The following CCDC27 variants were observed in gnomAD, a reference collection of about 807,000 sequenced individuals.
The protein encoded by CCDC27 is coiled-coil domain containing 27, also known as coiled-coil domain-containing protein 27.
Under a neutral mutation model 80.3 loss-of-function variants are expected in CCDC27, and 80 were observed. The ratio of observed to expected loss-of-function variants is 1.00; its 90% CI spans 0.83 to 1.20. The LOEUF is 1.20. Ranked by LOEUF, CCDC27 falls within the 50% of genes most tolerant of loss-of-function variation. The pLI, the probability that CCDC27 is intolerant of heterozygous loss-of-function variation, is 0.00. For synonymous variants in CCDC27, 342 were observed against 334.3 expected (o/e 1.02, Z -0.25); for missense variants, 815 against 809.4 (o/e 1.01, Z -0.08).
At chr1:3,755,717 C>A in intron 3 of CCDC27, 150 bp downstream of exon 3, 1 of 663,854 alleles carries the variant, frequency 1.5e-6, no homozygotes, top group South Asian at 1.7e-5. Flanking sequence ...TCCGGGCCTC[C>A]CTTGTGCAGA....
chr1:3,770,956 G>A (rs1643346651), intron 11 of CCDC27, among the ~76,000 whole-genome samples: 1 of 152,200 alleles, frequency 6.6e-6, no homozygotes, highest in African/African-American at 2.4e-5. Flanking sequence ...ATGGAAGAGA[G>A]GTGGGGACAA....
chr1:3,762,975 T>C, intron 6 of CCDC27, 133 bp from the exon 7 acceptor site: 1 of 1,166,664 alleles, frequency 8.6e-7, no homozygotes, highest in Non-Finnish European at 1.2e-6. Context: ...AGGCAGATGC[T>C]CTCCCACTCC....
In CCDC27 at chr1:3,769,095, C is replaced by A. The variant is rs1482526034; in HGVS notation, c.1744-688C>A. On this transcript the variant is annotated intron_variant, in intron 10 of 11. Coordinates refer to ENST00000294600, the MANE Select transcript of CCDC27 (RefSeq NM_152492.3). The surrounding 1 kb of genome is among the most constrained non-coding windows in gnomAD (Gnocchi z 4.6). ...TTCTGGACGAGGAACTCGTGCTGAG[C>A]GTGCCGCATAACTCAAGGGGTTCCT... 6.6e-6 allele frequency among the ~76,000 whole-genome samples: 1 copy of A among 152,140 alleles called. No homozygotes were observed. The highest frequency in any genetic ancestry group is 2.1e-4 in the South Asian group (1 of 4,828).
chr1:3,753,102 G>T (rs1642864244), intron 1 of CCDC27, among the ~76,000 whole-genome samples: 2 of 152,106 alleles, frequency 1.3e-5, no homozygotes, highest in Admixed American at 1.3e-4. Context: ...TCTCTGGTTG[G>T]CCAAGGGGAG....
In CCDC27 at chr1:3,763,640, G is replaced by C; in HGVS notation, c.1322-66G>C. On this transcript the variant is annotated intron_variant, in intron 7 of 11. Transcript: ENST00000294600. The surrounding 1 kb of genome is among the most constrained non-coding windows in gnomAD (Gnocchi z 7.5). ...CCCTCCCAGCTGCCGCAGTGGCCCG[G>C]CCCTCTCCTTCTGTCCCTCACTGCC... 1 of 1,602,094 alleles carries C rather than the reference G, an allele frequency of 6.2e-7. No individual in the cohort carries two copies. The highest frequency in any genetic ancestry group is 8.5e-7 in the Non-Finnish European group (1 of 1,170,820).
chr1:3,762,915 G>A, intron 6 of CCDC27, 193 bp from the exon 7 acceptor site: 2 of 800,472 alleles, frequency 2.5e-6, no homozygotes, highest in Non-Finnish European at 3.8e-6. Context: ...GACAGAGGGA[G>A]GACCCGTGAC....
In CCDC27 at chr1:3,763,382, A is replaced by T. The variant is rs1219702426; in HGVS notation, c.1229A>T (p.Glu410Val). The T allele has an allele frequency of 1.2e-6, 2 of 1,612,938 alleles. No homozygotes were observed. The highest frequency in any genetic ancestry group is 2.2e-5 in the South Asian group (2 of 91,036). Residue 410 changes from glutamate (E) to valine (V), a missense_variant, in exon 7 of 12, where the codon GAG becomes GTG. Transcript: ENST00000294600. The surrounding 1 kb of genome is among the most constrained non-coding windows in gnomAD (Gnocchi z 7.5). The stretch of plus-strand genomic sequence containing the variant: ...TCCCTGGCCGAGTCGTTTGAGGAGG[A>T]GCTGCTGGCCCAGCTGGAGGAGTAC... ...ASSLAESFEE[E>V]LLAQLEEYEQ...
chr1:3,753,320 CTT>C (rs71580220), intron 1 of CCDC27, among the ~76,000 whole-genome samples: 1,631 of 95,032 alleles, frequency 0.017, 22 homozygotes, highest in African/African-American at 0.068. Flanking sequence ...TTTTCTTTTT[CTT>C]TTTTTTTTTT....
In CCDC27 at chr1:3,769,604, G is replaced by C. The variant is rs1643311257; in HGVS notation, c.1744-179G>C. Among the ~76,000 whole-genome samples, 1 of 152,142 alleles carries C rather than the reference G, an allele frequency of 6.6e-6. No individual in the cohort carries two copies. The highest frequency in any genetic ancestry group is 1.5e-5 in the Non-Finnish European group (1 of 68,020). Reference sequence around the variant, plus strand: ...CAGGGGTTGGATCCGGCACCTCCTAGCTCTCAGACAATCCACATTGACTTC... The same window carrying C: ...CAGGGGTTGGATCCGGCACCTCCTACCTCTCAGACAATCCACATTGACTTC... On this transcript the variant is annotated intron_variant, in intron 10 of 11. Coordinates refer to ENST00000294600, the MANE Select transcript of CCDC27 (RefSeq NM_152492.3). This position sits in a 1 kb window ranked among gnomAD's most constrained non-coding sequence, Gnocchi z 4.6.
chr1:3,758,230 G>C (rs1022645130), intron 4 of CCDC27, among the ~76,000 whole-genome samples: 1 of 151,988 alleles, frequency 6.6e-6, no homozygotes, highest in Non-Finnish European at 1.5e-5. Flanking sequence ...TCTCTCTGTT[G>C]CCAGGCTGGA....
intron 4 of CCDC27, among the ~76,000 whole-genome samples, chr1:3,758,168 G>C (rs1643004304): frequency 1.3e-5 from 2 of 152,070 alleles, no homozygotes; most frequent in African/African-American, 2.4e-5. Flanking sequence ...TTCCTCACAG[G>C]AGCACTCTTA....
rs1643081973 is a variant in CCDC27 at position 3,761,389 on chromosome 1, A to C, written c.820A>C (p.Lys274Gln). The C allele has an allele frequency of 6.2e-7, 1 of 1,613,990 alleles. No individual in the cohort carries two copies. ...ALKMQLKCLL[K>Q]GKGQETSMSP... ...GAAGATGCAGCTGAAATGCCTTCTG[A>C]AAGGCAAAGGCCAAGAGACATCCAT... Residue 274 changes from lysine (K) to glutamine (Q), a missense_variant, in exon 5 of 12, where the codon AAA becomes CAA. Physicochemically the swap from Lys to Gln is moderately conservative, Grantham distance 53. Transcript: ENST00000294600. This position sits in a 1 kb window ranked among gnomAD's most constrained non-coding sequence, Gnocchi z 5.0.
chr1:3,756,357 A>AAAG (rs761054080), intron 3 of CCDC27: 41 of 160,200 alleles, frequency 2.6e-4, no homozygotes, highest in East Asian at 5.4e-4. Flanking sequence ...AAAAAAAAAA[A>AAAG]AGAGAGATGG....
In CCDC27 at chr1:3,761,213, G is replaced by C. The variant is rs141453051; in HGVS notation, c.712-68G>C. ...CAGATCTGCTCCTCCTGGGTGGGCTGGAGGCAGGTCAGGGGAAGAGTGTGT... is the reference window on the plus strand; with the variant it reads ...CAGATCTGCTCCTCCTGGGTGGGCTCGAGGCAGGTCAGGGGAAGAGTGTGT... On this transcript the variant is annotated intron_variant, in intron 4 of 11. Coordinates refer to ENST00000294600, the MANE Select transcript of CCDC27 (RefSeq NM_152492.3). This position sits in a 1 kb window ranked among gnomAD's most constrained non-coding sequence, Gnocchi z 5.0. 1 of 1,567,384 alleles carries C rather than the reference G, an allele frequency of 6.4e-7. No homozygotes were observed. The highest frequency in any genetic ancestry group is 1.4e-5 in the African/African-American group (1 of 73,684).
chr1:3,763,023 C>G lies in CCDC27; in HGVS notation c.955-85C>G. 7.1e-7 allele frequency: 1 copy of G among 1,409,546 alleles called. No individual in the cohort carries two copies. The highest frequency in any genetic ancestry group is 9.3e-7 in the Non-Finnish European group (1 of 1,075,480). The allele number at this position is 1,409,546 out of a possible 1,614,324, so 87.3% of individuals were successfully genotyped here. A position where few individuals can be genotyped will look rare whatever the true frequency, so the allele number is the denominator to read the frequency against. On this transcript the variant is annotated intron_variant, in intron 6 of 11. Transcript: ENST00000294600. The surrounding 1 kb of genome is among the most constrained non-coding windows in gnomAD (Gnocchi z 7.5). ...GCAGCCTGGAAGGAGGCGCCCTCCC[C>G]GGTGCCCCCGCCATGAGCATTAGAG... is the stretch of plus-strand genomic sequence containing the variant.
At chr1:3,770,112 G>C (rs886670740) in intron 11 of CCDC27, among the ~76,000 whole-genome samples, 1 of 152,138 alleles carries the variant, frequency 6.6e-6, no homozygotes, top group Non-Finnish European at 1.5e-5. Flanking sequence ...GCTACTCTCA[G>C]CAAAACGGGG....
Position 3,752,712 on chromosome 1 carries a change from C to A in CCDC27, c.231C>A (p.Asp77Glu). 6.2e-7 allele frequency: 1 copy of A among 1,613,886 alleles called. No homozygotes were observed. Among genetic ancestry groups the A allele is most frequent in the Non-Finnish European group, 8.5e-7 (1 of 1,180,026 alleles). ...LVLLQSMASR[D>E]ARCPEWKPHQ... ...TCCTCCAGAGCATGGCCAGCCGGGA[C>A]GCCCGGTGCCCAGAATGGAAACCGC... The change falls in exon 1 of 12, where the codon GAC becomes GAA. Residue 77 changes from aspartate to glutamate, a missense_variant. By Grantham distance (45) the Asp-to-Glu change is conservative. Coordinates refer to ENST00000294600, the MANE Select transcript of CCDC27 (RefSeq NM_152492.3).
chr1:3,759,862 G>A (rs2124592662), intron 4 of CCDC27, among the ~76,000 whole-genome samples: 1 of 152,304 alleles, frequency 6.6e-6, no homozygotes, highest in Admixed American at 6.5e-5. Flanking sequence ...AGGCAGATAT[G>A]CTGTTGTTAT....
chr1:3,771,254 C>T (rs901593749), intron 11 of CCDC27, 147 bp from the exon 12 acceptor site: 2 of 942,038 alleles, frequency 2.1e-6, no homozygotes, highest in Non-Finnish European at 3.2e-6. Flanking sequence ...TGTAAGTATT[C>T]ACCAGCACAC....
Sources: gnomAD v4.1 joint callset for allele counts (sites outside exome capture counted in the v4.1 genomes callset) on GRCh38, gnomAD v4.1.1 for gene constraint, Gnocchi (gnomAD v3.1) non-coding constraint, MANE v1.5 for transcripts, NCBI Gene and HGNC (gene_info 2026-07-23, HGNC 2026-07-21) for gene names.